Variants in TJP3 observed in about 807,000 individuals in gnomAD.
The protein encoded by TJP3 is tight junction protein 3.
TJP3 carries 85 observed loss-of-function variants against 104.2 expected under a neutral mutation model. The ratio of observed to expected loss-of-function variants is 0.82; its 90% CI spans 0.68 to 0.98. TJP3 has a LOEUF of 0.98. Among genes scored for constraint, TJP3 ranks in the 50% least tolerant of loss-of-function variants. The pLI, the probability that TJP3 is intolerant of heterozygous loss-of-function variation, is 0.00. For missense variants in TJP3, 1,367 were observed against 1,322.8 expected (o/e 1.03, Z -0.52); for synonymous variants, 550 against 550.6 (o/e 1.00, Z 0.02).
chr19:3,736,017 T>G, intron 10 of TJP3, 82 bp downstream of exon 10: 1 of 1,594,290 alleles, frequency 6.3e-7, no homozygotes, highest in Non-Finnish European at 8.6e-7. Context: ...TCCTGCCTGC[T>G]TGTATCCATT....
chr19:3,750,800 G>C lies in TJP3; in HGVS notation c.*116G>C. On this transcript the variant is annotated 3_prime_UTR_variant, in exon 21 of 21. Coordinates refer to ENST00000541714, the MANE Select transcript of TJP3 (RefSeq NM_001267560.2). ...CTCCGCCTGGTCTTTAATAAACAGAGTATTTTCACAGCACCGGCTTCTAGT... is the reference window on the plus strand; with the variant it reads ...CTCCGCCTGGTCTTTAATAAACAGACTATTTTCACAGCACCGGCTTCTAGT... 1 of 1,050,150 alleles carries C rather than the reference G, an allele frequency of 9.5e-7. No individual in the cohort carries two copies. The highest frequency in any genetic ancestry group is 1.4e-6 in the Non-Finnish European group (1 of 706,070). 65.1% of individuals were successfully genotyped at this position (1,050,150 alleles called of 1,614,324 possible).
chr19:3,741,707 G>A (rs193133682), intron 14 of TJP3, among the ~76,000 whole-genome samples: 14 of 151,152 alleles, frequency 9.3e-5, no homozygotes, highest in East Asian at 2.0e-4. Context: ...GGTGGCTCAC[G>A]CCCGTAATCT....
intron 12 of TJP3, 106 bp downstream of exon 12, chr19:3,738,769 C>A: frequency 7.6e-7 from 1 of 1,307,268 alleles, no homozygotes; most frequent in Non-Finnish European, 1.1e-6. Context: ...ATCTCTGCAC[C>A]CTCCATCCCT....
chr19:3,724,502 T>C (rs558246527), intron 1 of TJP3, among the ~76,000 whole-genome samples: 22 of 152,062 alleles, frequency 1.4e-4, no homozygotes, highest in African/African-American at 4.8e-4. Context: ...GGCAGGGCTG[T>C]CTCTTAAAGT....
chr19:3,728,827 C>T (rs1376733524), intron 3 of TJP3, 114 bp downstream of exon 3: 20 of 1,121,078 alleles, frequency 1.8e-5, no homozygotes, highest in South Asian at 7.1e-5. Flanking sequence ...CTGAAGTGGG[C>T]GGATCACCTG....
chr19:3,724,344 G>T (rs113913018), intron 1 of TJP3, among the ~76,000 whole-genome samples: 53 of 151,512 alleles, frequency 3.5e-4, no homozygotes, highest in East Asian at 1.8e-3. Flanking sequence ...TACAGGCGCC[G>T]GCCACCACGC....
chr19:3,728,994 G>C (rs1321527508), intron 3 of TJP3, among the ~76,000 whole-genome samples: 1 of 152,030 alleles, frequency 6.6e-6, no homozygotes, highest in Non-Finnish European at 1.5e-5. Context: ...CAGAGGTTGC[G>C]GTGAGCCAAG....
rs1303906699 is a variant in TJP3, at chr19:3,734,455, C to T, written c.986+20C>T. The T allele has an allele frequency of 6.3e-7, 1 of 1,584,780 alleles. No homozygotes were observed. The highest frequency in any genetic ancestry group is 1.1e-5 in the South Asian group (1 of 87,766). ...TCCCGTGTAAGTATCACCCATCGGC[C>T]AGAATGGTGATAGGGAGGGAGAGGG... On this transcript the variant is annotated intron_variant, in intron 8 of 20. Coordinates refer to ENST00000541714, the MANE Select transcript of TJP3 (RefSeq NM_001267560.2).
intron 19 of TJP3, among the ~76,000 whole-genome samples, chr19:3,748,848 C>CTTTTT (rs71166925): frequency 4.1e-5 from 2 of 48,784 alleles, no homozygotes; most frequent in Non-Finnish European, 7.1e-5. Flanking sequence ...TGCACCCGGC[C>CTTTTT]TTTTTTTTTT....
At chr19:3,722,021 C>T in intron 1 of TJP3, 1 of 557,374 alleles carries the variant, frequency 1.8e-6, no homozygotes, top group Non-Finnish European at 2.7e-6. Context: ...ACCTACATAA[C>T]AGGCAGGGAA....
intron 18 of TJP3, 123 bp from the exon 19 acceptor site, chr19:3,747,671 G>GA: frequency 8.0e-7 from 1 of 1,245,596 alleles, no homozygotes; most frequent in Non-Finnish European, 1.1e-6. Flanking sequence ...AGCCTCCACT[G>GA]AGGCTCCAGG....
At chr19:3,709,931 CA>C (rs769870899) in intron 1 of TJP3, among the ~76,000 whole-genome samples, 1 of 152,020 alleles carries the variant, frequency 6.6e-6, no homozygotes, top group Non-Finnish European at 1.5e-5. Context: ...GAGTGGATCA[CA>C]AGGTCAGGAG....
intron 1 of TJP3, among the ~76,000 whole-genome samples, chr19:3,718,755 C>T (rs1482414668): frequency 1.3e-5 from 2 of 151,916 alleles, no homozygotes; most frequent in African/African-American, 2.4e-5. Context: ...CCCTGCAGAA[C>T]CCCTGTCCGA....
intron 11 of TJP3, among the ~76,000 whole-genome samples, chr19:3,737,927 T>C (rs751761793): frequency 6.6e-6 from 1 of 152,118 alleles, no homozygotes; most frequent in Non-Finnish European, 1.5e-5. Flanking sequence ...TATATTGCTG[T>C]CCATGTCGTG....
At chr19:3,739,224 G>T in intron 13 of TJP3, 90 bp downstream of exon 13, 3 of 1,246,622 alleles carry the variant, frequency 2.4e-6, no homozygotes, top group Non-Finnish European at 3.3e-6. Context: ...GGACGCGGTG[G>T]CTCAGGCCTG....
chr19:3,727,212 G>A (rs112594798), intron 1 of TJP3, among the ~76,000 whole-genome samples: 18,440 of 151,752 alleles, frequency 0.12, 1,226 homozygotes, highest in Non-Finnish European at 0.15. Context: ...GGCTGGGCGC[G>A]GTGGCTCATG....
rs1043563897 is a variant in TJP3 at position 3,730,288 on chromosome 19, G to A, written c.262-67G>A. On this transcript the variant is annotated intron_variant, in intron 4 of 20. Transcript: ENST00000541714. The surrounding 1 kb of genome is among the most constrained non-coding windows in gnomAD (Gnocchi z 7.3). ...AGACTGGTGTCCCCCAGGGCCACCC[G>A]GGGGCTGAGCAGAGCCTCCCCCAGC... The A allele has an allele frequency of 1.5e-5, 22 of 1,492,168 alleles. No homozygotes were observed. The highest frequency in any genetic ancestry group is 3.9e-5 in the South Asian group (3 of 77,122). The allele number at this position is 1,492,168 out of a possible 1,614,324, so 92.4% of individuals were successfully genotyped here. A position where few individuals can be genotyped will look rare whatever the true frequency, so the allele number is the denominator to read the frequency against.
In TJP3 at chr19:3,734,806, T is replaced by A. The variant is rs984034912; in HGVS notation, c.986+371T>A. Among the ~76,000 whole-genome samples, 4 of 152,092 alleles carry A rather than the reference T, an allele frequency of 2.6e-5. No homozygotes were observed. In the South Asian group the frequency reaches 8.3e-4, roughly 32 times the overall value. ...CCTGTCTCTACTAAGATACCAAAAT[T>A]AGCCCGGCGTGGTGCCGGGTGCCTG... On this transcript the variant is annotated intron_variant, in intron 8 of 20. Transcript: ENST00000541714.
intron 10 of TJP3, 112 bp downstream of exon 10, chr19:3,736,047 A>T: frequency 9.4e-6 from 14 of 1,483,512 alleles, no homozygotes; most frequent in Non-Finnish European, 1.3e-5. Flanking sequence ...GGGACCATTA[A>T]GTGGGGGTTT....
Sources: allele counts gnomAD v4.1 joint callset (sites outside exome capture counted in the v4.1 genomes callset), GRCh38; gene constraint gnomAD v4.1.1; non-coding constraint Gnocchi (gnomAD v3.1); transcripts MANE v1.5; gene names NCBI Gene and HGNC (gene_info 2026-07-23, HGNC 2026-07-21).